The following FALEC variants were observed in gnomAD, a reference collection of about 807,000 sequenced individuals.
FALEC encodes the protein focally amplified lncRNA on chromosome 1.
chr1:150,519,892 C>G (rs1424921572), downstream of FALEC, among the ~76,000 whole-genome samples: 4 of 152,030 alleles, frequency 2.6e-5, no homozygotes, highest in Non-Finnish European at 4.4e-5. Context: ...GTGGCTCATG[C>G]CTGTAATCCC....
chr1:150,522,968 TATATATATA>T (rs1347131743), downstream of FALEC, among the ~76,000 whole-genome samples: 92 of 47,600 alleles, frequency 1.9e-3, 12 homozygotes, highest in African/African-American at 8.3e-3. Context: ...TATATATATA[TATATATATA>T]TATATATTTT....
chr1:150,519,443 A>C (rs1670611753), downstream of FALEC, among the ~76,000 whole-genome samples: 1 of 152,316 alleles, frequency 6.6e-6, no homozygotes, highest in Middle Eastern at 3.4e-3. Context: ...AAATAAATGT[A>C]AGGGCGGTGG....
At chr1:150,526,549 T>A in the FALEC span, among the ~76,000 whole-genome samples, 91,852 of 151,452 alleles carry the variant, frequency 0.61, 28,379 homozygotes, top group African/African-American at 0.67. Flanking sequence ...TTGATTCTCC[T>A]GCCTCAGCCT....
the FALEC span, among the ~76,000 whole-genome samples, chr1:150,527,794 G>A: frequency 6.6e-6 from 1 of 152,028 alleles, no homozygotes; most frequent in Non-Finnish European, 1.5e-5. Flanking sequence ...AGGTTTCAGT[G>A]AGCCAAGATC....
chr1:150,516,330 G>A (rs1670569558), intron 1 of FALEC, among the ~76,000 whole-genome samples: 3 of 152,184 alleles, frequency 2.0e-5, no homozygotes, highest in Admixed American at 2.0e-4. Context: ...AAAGTGCAGC[G>A]CCAAATGCTG....
chr1:150,533,430 CTTTT>C, the FALEC span, among the ~76,000 whole-genome samples: 2 of 97,668 alleles, frequency 2.0e-5, no homozygotes, highest in African/African-American at 8.3e-5. Flanking sequence ...AGAACCAGAG[CTTTT>C]TTTTTTTTTT....
chr1:150,534,020 G>T, the FALEC span, among the ~76,000 whole-genome samples: 1 of 152,230 alleles, frequency 6.6e-6, no homozygotes, highest in African/African-American at 2.4e-5. Context: ...GGGGAGAAAG[G>T]TGCTGAAGTC....
the FALEC span, among the ~76,000 whole-genome samples, chr1:150,534,856 A>AAT: frequency 2.0e-5 from 3 of 151,754 alleles, no homozygotes; most frequent in African/African-American, 4.8e-5. Flanking sequence ...AAAAAAAAAA[A>AAT]AAATGTCCTC....
the FALEC span, among the ~76,000 whole-genome samples, chr1:150,534,146 C>T: frequency 1.3e-5 from 2 of 152,164 alleles, no homozygotes; most frequent in East Asian, 1.9e-4. Flanking sequence ...CCCCACCCCA[C>T]CCCTAACCTG....
downstream of FALEC, among the ~76,000 whole-genome samples, chr1:150,522,983 A>ATTT (rs1174052488): frequency 6.9e-4 from 11 of 15,918 alleles, no homozygotes; most frequent in Admixed American, 1.4e-3. Flanking sequence ...ATATATATAT[A>ATTT]TTTTTTTTTT....
At chr1:150,531,037 A>G in the FALEC span, among the ~76,000 whole-genome samples, 1 of 152,166 alleles carries the variant, frequency 6.6e-6, no homozygotes, top group Non-Finnish European at 1.5e-5. Flanking sequence ...CACAGAGAAT[A>G]CCTTTGGTAG....
At chr1:150,524,556 TAAGAC>T in the FALEC span, among the ~76,000 whole-genome samples, 8 of 152,184 alleles carry the variant, frequency 5.3e-5, no homozygotes, top group East Asian at 5.8e-4. Flanking sequence ...ACCTCAATAA[TAAGAC>T]AAGTCAATCA....
At chr1:150,515,919 C>G (rs972492614) in exon 1 of FALEC, 5 of 152,344 alleles carry the variant, frequency 3.3e-5, no homozygotes, top group African/African-American at 9.6e-5. Context: ...GCCTTGTCAC[C>G]TGGCGGGCGA....
chr1:150,532,773 G>GA, the FALEC span, among the ~76,000 whole-genome samples: 3,051 of 140,344 alleles, frequency 0.022, 80 homozygotes, highest in African/African-American at 0.062. Context: ...ACTGACTAAG[G>GA]AAAAAAAAAA....
chr1:150,535,644 A>C, the FALEC span, among the ~76,000 whole-genome samples: 1,676 of 152,300 alleles, frequency 0.011, 69 homozygotes, highest in Admixed American at 0.072. Context: ...CTTTATGTGC[A>C]TCTTTTCATT....
At chr1:150,519,814 C>A (rs966892338), downstream of FALEC, among the ~76,000 whole-genome samples, 1 of 150,168 alleles carries the variant, frequency 6.7e-6, no homozygotes, top group African/African-American at 2.5e-5. Flanking sequence ...TGGAGTGAGC[C>A]GAGATTGTGC....
At chr1:150,536,405 C>T in the FALEC span, among the ~76,000 whole-genome samples, 14 of 152,186 alleles carry the variant, frequency 9.2e-5, no homozygotes, top group Non-Finnish European at 1.6e-4. Flanking sequence ...GGAATCTAAC[C>T]CTGTGTTTGT....
chr1:150,526,228 T>C, the FALEC span, among the ~76,000 whole-genome samples: 1 of 151,268 alleles, frequency 6.6e-6, no homozygotes, highest in Non-Finnish European at 1.5e-5. Flanking sequence ...CGGGCACCTG[T>C]AGTCCCAGCT....
the FALEC span, among the ~76,000 whole-genome samples, chr1:150,528,667 C>T: frequency 1.3e-5 from 2 of 151,436 alleles, no homozygotes; most frequent in Admixed American, 6.6e-5. Flanking sequence ...CTGCAAGCTC[C>T]GCCTCCCAGG....
Sources: gnomAD v4.1 joint callset for allele counts (sites outside exome capture counted in the v4.1 genomes callset) on GRCh38, gnomAD v4.1.1 for gene constraint, MANE v1.5 for transcripts, NCBI Gene and HGNC (gene_info 2026-07-23, HGNC 2026-07-21) for gene names.